The following DNAJB1 variants were observed in gnomAD, a reference collection of about 807,000 sequenced individuals.
The protein encoded by DNAJB1 is dnaJ homolog subfamily B member 1.
A neutral mutation model predicts 24.0 loss-of-function variants in DNAJB1; 14 were observed. That is an observed-to-expected ratio of 0.58 (90% CI 0.39 to 0.91). The LOEUF (loss-of-function observed/expected upper bound fraction) is 0.91, where lower values mean the gene tolerates loss of function less well. DNAJB1 is among the 40% of genes least tolerant of loss of function. The probability of loss-of-function intolerance (pLI) is 0.00; values close to 1 mark genes in which losing one functional copy is unlikely to be tolerated. For synonymous variants in DNAJB1, 262 were observed against 174.4 expected (o/e 1.50, Z -3.96); for missense variants, 517 against 458.1 (o/e 1.13, Z -1.17).
At chr19:14,549,413 A>G (rs1162551015) in intron 1 of DNAJB1, among the ~76,000 whole-genome samples, 1 of 151,844 alleles carries the variant, frequency 6.6e-6, no homozygotes, top group Non-Finnish European at 1.5e-5. Context: ...GGGTTTCACC[A>G]TATTGGCCAG....
In DNAJB1 at chr19:14,515,915, G is replaced by C. The variant is rs756497726; in HGVS notation, c.*25C>G. The C allele has an allele frequency of 6.2e-7, 1 of 1,601,956 alleles. No homozygotes were observed. The highest frequency in any genetic ancestry group is 1.4e-5 in the African/African-American group (1 of 73,944). On this transcript the variant is annotated 3_prime_UTR_variant, in exon 3 of 3. Transcript: ENST00000254322. ...TCCTTGAGCTCTGGAAAGGTCCCTG[G>C]TCAGTCCTTGGGGAGCTCAGATAGC...
At position 14,515,590 on chromosome 19, in the gene DNAJB1, G is replaced by A. The variant is rs764994028; in HGVS notation, c.*350C>T. On this transcript the variant is annotated 3_prime_UTR_variant, in exon 3 of 3. Coordinates refer to ENST00000254322, the MANE Select transcript of DNAJB1 (RefSeq NM_006145.3). ...GCAGGTTGACATTATCTACCAGCCA[G>A]AAGCAAAAAGACACAGAGGGATCAA... 5 of 273,750 alleles carry A rather than the reference G, an allele frequency of 1.8e-5. No homozygotes were observed. Among genetic ancestry groups the A allele is most frequent in the Non-Finnish European group, 3.5e-5 (5 of 143,618 alleles). 17.0% of individuals were successfully genotyped at this position (273,750 alleles called of 1,614,324 possible).
upstream of DNAJB1, among the ~76,000 whole-genome samples, chr19:14,533,577 A>T (rs975714033): frequency 4.6e-5 from 7 of 152,212 alleles, no homozygotes; most frequent in Admixed American, 4.6e-4. Flanking sequence ...AGAGGGGTGC[A>T]GGACGTGCTG....
intron 1 of DNAJB1, among the ~76,000 whole-genome samples, chr19:14,542,179 G>A (rs1362977245): frequency 6.6e-6 from 1 of 151,790 alleles, no homozygotes; most frequent in Non-Finnish European, 1.5e-5. Context: ...TGCCCAGGCT[G>A]GTCTCCAACT....
At chr19:14,535,295 C>T (rs1185159038) in intron 1 of DNAJB1, among the ~76,000 whole-genome samples, 1 of 151,186 alleles carries the variant, frequency 6.6e-6, no homozygotes, top group Middle Eastern at 3.2e-3. Flanking sequence ...ATCACGAGGC[C>T]AGGAGATCGA....
Position 14,549,867 on chromosome 19 carries a change from C to T in DNAJB1, c.-214+341G>A, listed in dbSNP as rs1359728421. The stretch of plus-strand genomic sequence containing the variant: ...CTGAGGCAGGAGAATCACTGGAACT[C>T]GGCATGCGGAGGTTGCAGTGAGCCG... On this transcript the variant is annotated intron_variant, in intron 1 of 3. Transcript: ENST00000676982. Among the ~76,000 whole-genome samples, 3 of 151,734 alleles carry T rather than the reference C, an allele frequency of 2.0e-5. 1 individual carries two copies. Among genetic ancestry groups the T allele is most frequent in the South Asian group, 4.2e-4 (2 of 4,716 alleles).
chr19:14,515,743 T>C lies in DNAJB1; in HGVS notation c.*197A>G, dbSNP rs2072245705. 5.3e-6 allele frequency: 3 copies of C among 562,170 alleles called. No individual in the cohort carries two copies. The highest frequency in any genetic ancestry group is 3.9e-5 in the African/African-American group (2 of 51,514). The allele number at this position is 562,170 out of a possible 1,614,324, so 34.8% of individuals were successfully genotyped here. ...TTTTCCTGCTGTTCCCACCACCTGA[T>C]GCCCTATAGCTCGAAAAACCACTGA... On this transcript the variant is annotated 3_prime_UTR_variant, in exon 3 of 3. Transcript: ENST00000254322.
intron 1 of DNAJB1, among the ~76,000 whole-genome samples, chr19:14,543,442 T>A (rs1357113301): frequency 0.096 from 5,089 of 53,146 alleles, 498 homozygotes; most frequent in Non-Finnish European, 0.16. Flanking sequence ...TTTTTTTTTT[T>A]TTTTTTTTTT....
chr19:14,518,760 G>A (rs940800134), upstream of DNAJB1, among the ~76,000 whole-genome samples: 18 of 152,252 alleles, frequency 1.2e-4, no homozygotes, highest in African/African-American at 2.4e-4. Flanking sequence ...CAGCGAACTT[G>A]CTGTTCCAGG....
At chr19:14,517,208 G>A in intron 1 of DNAJB1, 162 bp from the exon 2 acceptor site, 5 of 651,554 alleles carry the variant, frequency 7.7e-6, no homozygotes, top group East Asian at 2.8e-5. Flanking sequence ...ACTGCCAACA[G>A]CAGAGACGCC....
upstream of DNAJB1, among the ~76,000 whole-genome samples, chr19:14,520,380 C>T (rs2072346238): frequency 3.3e-5 from 5 of 152,200 alleles, no homozygotes. Flanking sequence ...TTTGAGGCTG[C>T]AGGCAGCTAT....
intron 1 of DNAJB1, among the ~76,000 whole-genome samples, chr19:14,560,022 C>G (rs1054327824): frequency 1.3e-5 from 2 of 152,090 alleles, no homozygotes; most frequent in African/African-American, 4.8e-5. Flanking sequence ...CCTTGCAGCC[C>G]GGGCTTACCT....
In DNAJB1 at chr19:14,547,153, A is replaced by AT. The variant is rs201182043; in HGVS notation, c.-214+3054dup. ...TTAAAGAGCTTATTCATAGCCTCTT[A>AT]TTTTTTTTTAAAGGGATAATGGTAG... is the stretch of plus-strand genomic sequence containing the variant. On this transcript the variant is annotated intron_variant, in intron 1 of 3. Transcript: ENST00000676982. 4.6e-3 allele frequency among the ~76,000 whole-genome samples: 696 copies of AT among 151,550 alleles called. 5 individuals are homozygous for AT. Among genetic ancestry groups the AT allele is most frequent in the African/African-American group, 0.016 (666 of 41,398 alleles).
In DNAJB1 at chr19:14,546,843, C is replaced by T. The variant is rs548783308; in HGVS notation, c.-214+3365G>A. ...TAGCTGGGACTACAGGTGCACACCA[C>T]TACGCCCAGCTAACTTTAGTATTTT... is the stretch of plus-strand genomic sequence containing the variant. On this transcript the variant is annotated intron_variant, in intron 1 of 3. Transcript: ENST00000676982. 2.6e-5 allele frequency among the ~76,000 whole-genome samples: 4 copies of T among 152,312 alleles called. No individual in the cohort carries two copies. The East Asian group carries it at 7.7e-4, about 29-fold the overall frequency.
chr19:14,556,858 C>T (rs947038054), intron 1 of DNAJB1, among the ~76,000 whole-genome samples: 5 of 152,160 alleles, frequency 3.3e-5, no homozygotes, highest in Admixed American at 6.5e-5. Flanking sequence ...CAGCCTCCGC[C>T]GCTTGCAGCC....
At chr19:14,557,761 ATTC>A (rs1043535765) in intron 1 of DNAJB1, among the ~76,000 whole-genome samples, 1 of 122,792 alleles carries the variant, frequency 8.1e-6, no homozygotes, top group Admixed American at 8.3e-5. Flanking sequence ...CATCATATTT[ATTC>A]TTTTTTTTTG....
At chr19:14,520,435 G>A (rs116306498), upstream of DNAJB1, among the ~76,000 whole-genome samples, 526 of 151,178 alleles carry the variant, frequency 3.5e-3, 1 homozygote, top group African/African-American at 0.012. Context: ...GAGACCCTCA[G>A]CCTCCCCATA....
upstream of DNAJB1, among the ~76,000 whole-genome samples, chr19:14,551,062 C>T (rs2073484637): frequency 6.6e-6 from 1 of 151,836 alleles, no homozygotes; most frequent in Non-Finnish European, 1.5e-5. Context: ...ATTATATCTG[C>T]AAAGACACTA....
At chr19:14,551,117 G>GCT (rs1555734346), upstream of DNAJB1, among the ~76,000 whole-genome samples, 1 of 151,366 alleles carries the variant, frequency 6.6e-6, no homozygotes, top group Non-Finnish European at 1.5e-5. Context: ...TGTCACCCAG[G>GCT]CTGGAGTGCA....
Sources: allele counts gnomAD v4.1 joint callset (sites outside exome capture counted in the v4.1 genomes callset), GRCh38; gene constraint gnomAD v4.1.1; transcripts MANE v1.5; gene names NCBI Gene and HGNC (gene_info 2026-07-23, HGNC 2026-07-21).